The following SPOP variants were observed in gnomAD, a reference collection of about 807,000 sequenced individuals.
SPOP encodes speckle type BTB/POZ protein, also known as speckle-type POZ protein.
A neutral mutation model predicts 45.6 loss-of-function variants in SPOP; 11 were observed. The ratio of observed to expected loss-of-function variants is 0.24; its 90% CI spans 0.15 to 0.40. The LOEUF is 0.40. SPOP is among the 10% of genes least tolerant of loss of function. SPOP has a pLI of 1.00. For synonymous variants in SPOP, 166 were observed against 166.3 expected, an observed-to-expected ratio of 1.00 and a Z score of 0.01; for missense variants, 152 against 465.6, an observed-to-expected ratio of 0.33 and a Z score of 6.20.
intron 1 of SPOP, among the ~76,000 whole-genome samples, chr17:49,649,100 A>T (rs1229579020): frequency 6.6e-6 from 1 of 151,966 alleles, no homozygotes; most frequent in Non-Finnish European, 1.5e-5. Context: ...ATCTTAGAAA[A>T]TTTTCCTATA....
At chr17:49,666,526 C>T (rs560408905) in intron 1 of SPOP, among the ~76,000 whole-genome samples, 1 of 150,634 alleles carries the variant, frequency 6.6e-6, no homozygotes, top group South Asian at 2.1e-4. Context: ...AATCTGATTG[C>T]ATGAAAATCT....
Position 49,678,078 on chromosome 17 carries a change from C to T in SPOP, c.-212G>A. 2 of 398,736 alleles carry T rather than the reference C, an allele frequency of 5.0e-6. No homozygotes were observed. The highest frequency in any genetic ancestry group is 4.4e-6 in the Non-Finnish European group (1 of 226,120). The allele number at this position is 398,736 out of a possible 1,614,324, so 24.7% of individuals were successfully genotyped here. ...ACTCACACACACACATACACACCGA[C>T]ACACACCAGCCGGGGCGTCATGGCG... On this transcript the variant is annotated 5_prime_UTR_variant, in exon 1 of 10. Coordinates refer to ENST00000504102, the MANE Select transcript of SPOP (RefSeq NM_001007228.2).
chr17:49,636,528 A>G (rs2072546030), intron 1 of SPOP, among the ~76,000 whole-genome samples: 2 of 152,208 alleles, frequency 1.3e-5, no homozygotes, highest in African/African-American at 4.8e-5. Flanking sequence ...ACACTTATAG[A>G]AAATGTTTAT....
At chr17:49,614,691 T>C (rs2072044144) in intron 5 of SPOP, among the ~76,000 whole-genome samples, 2 of 152,072 alleles carry the variant, frequency 1.3e-5, no homozygotes, top group Non-Finnish European at 2.9e-5. Flanking sequence ...GGTATTTTCA[T>C]CCAGTACAAA....
chr17:49,652,148 T>C (rs763052277), intron 1 of SPOP, among the ~76,000 whole-genome samples: 1 of 152,162 alleles, frequency 6.6e-6, no homozygotes, highest in Non-Finnish European at 1.5e-5. Context: ...AAAGGAAATG[T>C]TCATTAGAGC....
rs540121072 is a variant in SPOP at position 49,615,651 on chromosome 17, A to G, written c.480+3330T>C. On this transcript the variant is annotated intron_variant, in intron 5 of 9. Transcript: ENST00000504102. ...GCATCAGCCTCAGGAGTAGCTGGGAACCACAGGGGTGGGCCACCACTCCTG... is the reference window on the plus strand; with the variant it reads ...GCATCAGCCTCAGGAGTAGCTGGGAGCCACAGGGGTGGGCCACCACTCCTG... 3.4e-4 allele frequency among the ~76,000 whole-genome samples: 52 copies of G among 152,270 alleles called. No homozygotes were observed. In the South Asian group the frequency reaches 0.011, roughly 31 times the overall value.
chr17:49,658,916 C>T (rs184017437), intron 1 of SPOP, among the ~76,000 whole-genome samples: 18 of 152,358 alleles, frequency 1.2e-4, no homozygotes, highest in Admixed American at 1.1e-3. Context: ...ACTTTCTCCA[C>T]TTCCCAGACA....
chr17:49,640,343 C>T (rs1162370501), intron 1 of SPOP, among the ~76,000 whole-genome samples: 1 of 151,530 alleles, frequency 6.6e-6, no homozygotes, highest in Admixed American at 6.6e-5. Flanking sequence ...AGTGTGAGTA[C>T]ATCTTGCAAA....
At chr17:49,674,465 A>G (rs2073175522) in intron 1 of SPOP, among the ~76,000 whole-genome samples, 1 of 152,168 alleles carries the variant, frequency 6.6e-6, no homozygotes, top group South Asian at 2.1e-4. Context: ...AAAGTTATCC[A>G]TTTCTTCTAG....
At chr17:49,607,009 A>G in intron 8 of SPOP, 1 of 408,670 alleles carries the variant, frequency 2.4e-6, no homozygotes, top group Non-Finnish European at 4.3e-6. Context: ...TAGAAGTCAA[A>G]CTTATCCTTC....
intron 1 of SPOP, among the ~76,000 whole-genome samples, chr17:49,638,361 C>A (rs1296509780): frequency 6.6e-6 from 1 of 152,170 alleles, no homozygotes; most frequent in Admixed American, 6.5e-5. Context: ...GAGGCCGAGG[C>A]AGGCGGATCA....
intron 1 of SPOP, among the ~76,000 whole-genome samples, chr17:49,634,210 G>T (rs1312172483): frequency 6.6e-6 from 1 of 152,106 alleles, no homozygotes; most frequent in Non-Finnish European, 1.5e-5. Context: ...AAAGGCAAAC[G>T]CAAGCAATCA....
chr17:49,641,126 G>T (rs926094588), intron 1 of SPOP, among the ~76,000 whole-genome samples: 1 of 152,042 alleles, frequency 6.6e-6, no homozygotes, highest in East Asian at 1.9e-4. Flanking sequence ...AGCTGGGCGT[G>T]GTGGCACACA....
chr17:49,636,828 A>G (rs1354153477), intron 1 of SPOP: 2 of 152,230 alleles, frequency 1.3e-5, no homozygotes, highest in African/African-American at 2.4e-5. Flanking sequence ...AATAGAGAAT[A>G]TGAATCAGAC....
chr17:49,677,704 G>A (rs1478389185), intron 1 of SPOP, among the ~76,000 whole-genome samples: 2 of 152,190 alleles, frequency 1.3e-5, no homozygotes, highest in African/African-American at 2.4e-5. Flanking sequence ...GCTGAAGGCA[G>A]GGGGCGCGTT....
intron 1 of SPOP, among the ~76,000 whole-genome samples, chr17:49,628,618 C>T (rs536604855): frequency 1.3e-5 from 2 of 152,120 alleles, no homozygotes; most frequent in East Asian, 1.9e-4. Flanking sequence ...ATGACATGCT[C>T]GTTGGAACAC....
At chr17:49,642,250 A>C (rs1383898071) in intron 1 of SPOP, among the ~76,000 whole-genome samples, 2 of 152,162 alleles carry the variant, frequency 1.3e-5, no homozygotes, top group African/African-American at 2.4e-5. Context: ...GGTTTTTAAA[A>C]GAAAGAATCA....
At chr17:49,632,249 C>CT (rs1444435216) in intron 1 of SPOP, among the ~76,000 whole-genome samples, 1 of 152,146 alleles carries the variant, frequency 6.6e-6, no homozygotes, top group African/African-American at 2.4e-5. Flanking sequence ...GTCACTCCAA[C>CT]TTTAAGAATT....
chr17:49,666,824 A>T (rs1363788594), intron 1 of SPOP, among the ~76,000 whole-genome samples: 3 of 152,134 alleles, frequency 2.0e-5, no homozygotes, highest in Non-Finnish European at 4.4e-5. Flanking sequence ...ATAAGACTCC[A>T]TCTCAAAAAA....
Sources: allele counts gnomAD v4.1 joint callset (sites outside exome capture counted in the v4.1 genomes callset), GRCh38; gene constraint gnomAD v4.1.1; transcripts MANE v1.5; gene names NCBI Gene and HGNC (gene_info 2026-07-23, HGNC 2026-07-21).